MTMR1: variants seen among roughly 807,000 people sequenced by gnomAD.
MTMR1 encodes myotubularin related protein 1.
Under a neutral mutation model 51.6 loss-of-function variants are expected in MTMR1, and 17 were observed. The ratio of observed to expected loss-of-function variants is 0.33; its 90% CI spans 0.23 to 0.49. MTMR1 has a LOEUF of 0.49. MTMR1 is among the 20% of genes least tolerant of loss of function. The pLI, the probability that MTMR1 is intolerant of heterozygous loss-of-function variation, is 0.99. For missense variants in MTMR1, 386 were observed against 526.9 expected, an observed-to-expected ratio of 0.73 and a Z score of 2.62; for synonymous variants, 201 against 205.6, an observed-to-expected ratio of 0.98 and a Z score of 0.19.
At position 150,699,233 on chromosome X, in the gene MTMR1, T is replaced by TA; in HGVS notation, c.186dup (p.Ala63SerfsTer6). 1 of 1,206,460 alleles carries TA rather than the reference T, an allele frequency of 8.3e-7. No homozygotes were observed. The highest frequency in any genetic ancestry group is 1.1e-6 in the Non-Finnish European group (1 of 892,208). On this transcript the variant is annotated frameshift_variant, in exon 2 of 16. Transcript: ENST00000445323. LOFTEE classifies it high-confidence loss of function. ...CATGTTGAATGGTGTAAACAGCTTA[T>TA]AGCTGCTACAATTTCTAGTCAGATT...
intron 10 of MTMR1, among the ~76,000 whole-genome samples, chrX:150,733,024 C>T (rs2148630739): frequency 8.9e-6 from 1 of 112,275 alleles, no homozygotes; most frequent in South Asian, 3.7e-4. Context: ...ATGAAATGAT[C>T]GTGAGGTCCT....
Position 150,762,682 on chromosome X carries a change from G to T in MTMR1, c.1975G>T (p.Gly659Cys). ...CGCCGTCTCATCCTCATCTGAGCGG[G>T]GCTCCTCGCCCTCCCACTCCGCCAC... ...TRAVSSSSER[G>C]SSPSHSATSV... is the part of the protein sequence containing the mutation. The change falls in exon 16 of 16, where the codon GGC (glycine) becomes TGC (cysteine). Residue 659 changes from glycine (G) to cysteine (C), a missense_variant. Gly to Cys is a radical substitution (Grantham distance 159). Transcript: ENST00000445323. 8.4e-7 allele frequency: 1 copy of T among 1,194,684 alleles called. No individual in the cohort carries two copies. The highest frequency in any genetic ancestry group is 1.8e-5 in the South Asian group (1 of 54,961).
At chrX:150,697,553 T>C (rs1232864145) in intron 1 of MTMR1, among the ~76,000 whole-genome samples, 1 of 111,559 alleles carries the variant, frequency 9.0e-6, no homozygotes, top group African/African-American at 3.3e-5. Flanking sequence ...TTTTGCCAAA[T>C]TGTGAGAGGA....
chrX:150,727,883 A>G (rs1156978183), intron 6 of MTMR1, 92 bp downstream of exon 6: 16 of 551,655 alleles, frequency 2.9e-5, no homozygotes, highest in African/African-American at 4.6e-5. Context: ...GGACAGTAGA[A>G]TAATTTGTAC....
At chrX:150,737,517 GAC>G in intron 12 of MTMR1, 69 bp downstream of exon 12, 1 of 947,258 alleles carries the variant, frequency 1.1e-6, no homozygotes, top group Non-Finnish European at 1.5e-6. Flanking sequence ...CGTCATGTGT[GAC>G]ACACGTAAGC....
intron 4 of MTMR1, among the ~76,000 whole-genome samples, chrX:150,726,180 C>T (rs1488089913): frequency 9.0e-6 from 1 of 111,227 alleles, no homozygotes; most frequent in African/African-American, 3.3e-5. Flanking sequence ...CTCACAGGAG[C>T]GTGAACCCTG....
At position 150,703,068 on chromosome X, in the gene MTMR1, A is replaced by G. The variant is rs953834883; in HGVS notation, c.252+3768A>G. Among the ~76,000 whole-genome samples the G allele has an allele frequency of 2.7e-5, 3 of 112,512 alleles. No homozygotes were observed. In the Admixed American group the frequency reaches 2.8e-4, roughly 11 times the overall value. On this transcript the variant is annotated intron_variant, in intron 2 of 15. Transcript: ENST00000445323. ...AAAATTTCTCTTGAATTTGCCAGAA[A>G]TTTTAAGAACAAAATTTGAATGTAA...
In MTMR1 at chrX:150,711,780, G is replaced by A. The variant is rs188324919; in HGVS notation, c.253-562G>A. Among the ~76,000 whole-genome samples the A allele has an allele frequency of 2.2e-4, 25 of 112,010 alleles. No homozygotes were observed. In the East Asian group the frequency reaches 7.0e-3, roughly 31 times the overall value. On this transcript the variant is annotated intron_variant, in intron 2 of 15. Transcript: ENST00000445323. ...AGTAGTGGCCACATTGGAGTCCCCAGTATGAATTGGAAATGTAATTTCAAT... is the reference window on the plus strand; with the variant it reads ...AGTAGTGGCCACATTGGAGTCCCCAATATGAATTGGAAATGTAATTTCAAT...
intron 4 of MTMR1, among the ~76,000 whole-genome samples, chrX:150,722,914 C>T (rs1557416619): frequency 9.2e-6 from 1 of 108,621 alleles, no homozygotes; most frequent in Non-Finnish European, 1.9e-5. Flanking sequence ...AGGTTAGTTA[C>T]ATATGTATAC....
Position 150,737,224 on chromosome X carries a change from T to C in MTMR1, c.1267-18T>C. ...AAATTCAATGTAGCCTGGTCTAATG[T>C]GCCTTTTTTTTCTGAAGATGCTGCT... On this transcript the variant is annotated intron_variant, in intron 11 of 15. Coordinates refer to ENST00000445323, the MANE Select transcript of MTMR1 (RefSeq NM_001306144.3). 1 of 1,194,348 alleles carries C rather than the reference T, an allele frequency of 8.4e-7. No homozygotes were observed. The highest frequency in any genetic ancestry group is 1.1e-6 in the Non-Finnish European group (1 of 879,729).
intron 4 of MTMR1, among the ~76,000 whole-genome samples, chrX:150,723,402 T>C (rs921224749): frequency 7.2e-5 from 8 of 110,362 alleles, no homozygotes; most frequent in African/African-American, 2.6e-4. Context: ...ATGGTATTTC[T>C]AGTTCTAGAT....
chrX:150,746,902 A>G (rs1368076727), intron 13 of MTMR1, among the ~76,000 whole-genome samples: 4 of 112,623 alleles, frequency 3.6e-5, no homozygotes, highest in East Asian at 5.5e-4. Flanking sequence ...AATGAGATAT[A>G]TAGCAGGTAT....
At chrX:150,698,010 T>A (rs1557415789) in intron 1 of MTMR1, among the ~76,000 whole-genome samples, 1 of 111,748 alleles carries the variant, frequency 8.9e-6, no homozygotes, top group Non-Finnish European at 1.9e-5. Context: ...GAGGCTCTGA[T>A]ATAATAAAAA....
At chrX:150,721,781 T>C (rs1557416583) in intron 4 of MTMR1, among the ~76,000 whole-genome samples, 1 of 111,891 alleles carries the variant, frequency 8.9e-6, no homozygotes, top group Non-Finnish European at 1.9e-5. Flanking sequence ...ATCTTTATTA[T>C]TTCCTTTCTT....
Position 150,736,729 on chromosome X carries a change from G to A in MTMR1, c.1215G>A (p.Glu405=), listed in dbSNP as rs1557417175. 3 of 1,211,013 alleles carry A rather than the reference G, an allele frequency of 2.5e-6. No homozygotes were observed. The highest frequency in any genetic ancestry group is 2.2e-5 in the Admixed American group (1 of 45,953). The change falls in exon 11 of 16, where the codon GAG becomes GAA. Residue 405 remains glutamate, a synonymous_variant. Transcript: ENST00000445323. ...AGATTGTGTACCCTTCGATCGATGAGGCGCGGTGGCTCTCCAATGTGGATG... is the reference window on the plus strand; with the variant it reads ...AGATTGTGTACCCTTCGATCGATGAAGCGCGGTGGCTCTCCAATGTGGATG... ...LKEIVYPSID[E]ARWLSNVDGT... is the part of the protein sequence containing the mutation.
chrX:150,735,123 A>G (rs1263723545), intron 10 of MTMR1, among the ~76,000 whole-genome samples: 1 of 111,975 alleles, frequency 8.9e-6, no homozygotes, highest in African/African-American at 3.2e-5. Flanking sequence ...ACTTCCAGCA[A>G]CCACCAGAAG....
At chrX:150,702,490 G>A (rs1314746760) in intron 2 of MTMR1, among the ~76,000 whole-genome samples, 2 of 111,913 alleles carry the variant, frequency 1.8e-5, no homozygotes, top group Admixed American at 9.5e-5. Flanking sequence ...CTCAGATATT[G>A]GAGAATAATT....
chrX:150,705,268 C>A (rs2041057876), intron 2 of MTMR1, among the ~76,000 whole-genome samples: 2 of 111,168 alleles, frequency 1.8e-5, no homozygotes, highest in Non-Finnish European at 1.9e-5. Flanking sequence ...GTCAAAGTCC[C>A]AAAGGAGAGA....
In MTMR1 at chrX:150,727,085, G is replaced by T. The variant is rs1262429752; in HGVS notation, c.353-130G>T. On this transcript the variant is annotated intron_variant, in intron 4 of 15. Transcript: ENST00000445323. ...TCTCTCTATATTGAAAGTCATAATT[G>T]ATATAATCCTATAAAATACAAAATT... 17 of 405,378 alleles carry T rather than the reference G, an allele frequency of 4.2e-5. No individual in the cohort carries two copies. The Admixed American group carries it at 7.8e-4, about 19-fold the overall frequency. 33.4% of individuals were successfully genotyped at this position (405,378 alleles called of 1,213,427 possible). A position where few individuals can be genotyped will look rare whatever the true frequency, so the allele number is the denominator to read the frequency against.
Sources: allele counts gnomAD v4.1 joint callset (sites outside exome capture counted in the v4.1 genomes callset), GRCh38; gene constraint gnomAD v4.1.1; transcripts MANE v1.5; gene names NCBI Gene and HGNC (gene_info 2026-07-23, HGNC 2026-07-21).